MGST2: variants seen among roughly 807,000 people sequenced by gnomAD.
MGST2 encodes microsomal glutathione S-transferase 2.
Under a neutral mutation model 16.6 loss-of-function variants are expected in MGST2, and 9 were observed. The observed-to-expected ratio is 0.54, with a 90% confidence interval of 0.33 to 0.95. The LOEUF (loss-of-function observed/expected upper bound fraction) is 0.95. Ranked by LOEUF, MGST2 falls within the 40% of genes least tolerant of loss-of-function variation. MGST2 has a pLI of 0.03. For synonymous variants in MGST2, 79 were observed against 68.0 expected, an observed-to-expected ratio of 1.16 and a Z score of -0.79; for missense variants, 159 against 175.1, an observed-to-expected ratio of 0.91 and a Z score of 0.52.
chr4:139,738,063 G>A (rs1276570436), intron 5 of MGST2, among the ~76,000 whole-genome samples: 3 of 152,126 alleles, frequency 2.0e-5, no homozygotes, highest in South Asian at 4.2e-4. Context: ...TGTACATTGG[G>A]GGAACCCCAC....
chr4:139,703,412 T>A, intron 3 of MGST2, 43 bp from the exon 4 acceptor site: 1 of 1,498,924 alleles, frequency 6.7e-7, no homozygotes, highest in Non-Finnish European at 9.3e-7. Flanking sequence ...GAGACTGCTG[T>A]TGTATTTTGT....
chr4:139,704,476 C>T (rs1727440276), downstream of MGST2, among the ~76,000 whole-genome samples: 1 of 152,176 alleles, frequency 6.6e-6, no homozygotes, highest in African/African-American at 2.4e-5. Context: ...CTGCTTCTCT[C>T]TTGATGGAAA....
At chr4:139,673,047 T>C (rs1195369152) in intron 1 of MGST2, among the ~76,000 whole-genome samples, 1 of 152,176 alleles carries the variant, frequency 6.6e-6, no homozygotes, top group East Asian at 1.9e-4. Context: ...TCTAATACTC[T>C]TAACACAGGG....
chr4:139,673,211 T>C (rs1414170053), intron 1 of MGST2, among the ~76,000 whole-genome samples: 1 of 152,102 alleles, frequency 6.6e-6, no homozygotes, highest in Non-Finnish European at 1.5e-5. Flanking sequence ...AAATAAATAA[T>C]GTGAAGCGAA....
At chr4:139,749,892 C>CG in the MGST2 span, among the ~76,000 whole-genome samples, 3 of 133,796 alleles carry the variant, frequency 2.2e-5, no homozygotes, top group South Asian at 2.5e-4. Flanking sequence ...AGAACCCCCC[C>CG]CCACCCTATT....
rs117805268 is a variant in MGST2 at position 139,735,841 on chromosome 4, C to A, written c.*49-4371C>A. ...AACAAAGAAGCCCACGAGGCGGTCC[C>A]GGGCGCGGGCAGGGGCGGTGCGGCG... On this transcript the variant is annotated intron_variant, in intron 5 of 5. Transcript: ENST00000616265. This position sits in a 1 kb window ranked among gnomAD's most constrained non-coding sequence, Gnocchi z 5.8. 0.064 allele frequency among the ~76,000 whole-genome samples: 9,669 copies of A among 151,674 alleles called. 391 individuals carry two copies. The highest frequency in any genetic ancestry group is 0.098 in the East Asian group (500 of 5,082).
chr4:139,732,638 T>TA (rs201209625), intron 5 of MGST2, among the ~76,000 whole-genome samples: 5 of 148,940 alleles, frequency 3.4e-5, no homozygotes, highest in African/African-American at 1.2e-4. Flanking sequence ...AACTTAAAAT[T>TA]AAAAAAAAAA....
At chr4:139,751,716 G>A in the MGST2 span, among the ~76,000 whole-genome samples, 1 of 152,190 alleles carries the variant, frequency 6.6e-6, no homozygotes, top group African/African-American at 2.4e-5. Flanking sequence ...GGGAGCCAGT[G>A]GGTAGACCTT....
At chr4:139,683,118 GGACCAGCA>G in intron 2 of MGST2, among the ~76,000 whole-genome samples, 1 of 152,336 alleles carries the variant, frequency 6.6e-6, no homozygotes, top group East Asian at 1.9e-4. Context: ...GTTTCATCCT[GGACCAGCA>G]GTCCAGGCTT....
chr4:139,685,026 T>C (rs1485730504), intron 2 of MGST2: 1 of 152,334 alleles, frequency 6.6e-6, no homozygotes, highest in East Asian at 1.9e-4. Context: ...GGTGCCCAAT[T>C]CCTGAGCTTC....
At chr4:139,751,583 G>T in the MGST2 span, among the ~76,000 whole-genome samples, 2 of 152,266 alleles carry the variant, frequency 1.3e-5, no homozygotes, top group Non-Finnish European at 2.9e-5. Context: ...GGAGGATTTT[G>T]GATTTCAGCT....
the MGST2 span, among the ~76,000 whole-genome samples, chr4:139,746,550 G>A: frequency 6.6e-6 from 1 of 152,116 alleles, no homozygotes; most frequent in African/African-American, 2.4e-5. Context: ...TCACCTATTT[G>A]TTCTGTCTTC....
intron 2 of MGST2, 100 bp downstream of exon 2, chr4:139,678,742 T>C: frequency 2.2e-6 from 2 of 906,874 alleles, no homozygotes; most frequent in Non-Finnish European, 3.6e-6. Flanking sequence ...TAAGTTCATG[T>C]GCAATATCTA....
At chr4:139,740,267 C>T (rs1028143595) in exon 6 of MGST2, 3 of 152,194 alleles carry the variant, frequency 2.0e-5, no homozygotes, top group Admixed American at 6.5e-5. Context: ...TTCAAGAACT[C>T]GAGAGGTGGG....
At chr4:139,679,108 G>C (rs1731110966) in intron 2 of MGST2, 1 of 177,070 alleles carries the variant, frequency 5.6e-6, no homozygotes, top group Admixed American at 5.6e-5. Context: ...GAGAAAGCTT[G>C]CCAGCTCACA....
chr4:139,732,210 C>CGGTA (rs1728752827), intron 5 of MGST2, among the ~76,000 whole-genome samples: 2 of 152,048 alleles, frequency 1.3e-5, no homozygotes. Flanking sequence ...ATGCAGATAC[C>CGGTA]GTTAAACATA....
At chr4:139,682,275 C>T (rs971373281) in intron 2 of MGST2, among the ~76,000 whole-genome samples, 3 of 150,312 alleles carry the variant, frequency 2.0e-5, no homozygotes, top group African/African-American at 4.9e-5. Flanking sequence ...GAAAGGATAG[C>T]GTTGTAAGAG....
chr4:139,741,900 G>A (rs886975377), downstream of MGST2, among the ~76,000 whole-genome samples: 4 of 152,098 alleles, frequency 2.6e-5, no homozygotes, highest in African/African-American at 7.2e-5. Flanking sequence ...ACGCCCTATT[G>A]TCATTTCTTC....
downstream of MGST2, among the ~76,000 whole-genome samples, chr4:139,705,134 C>T (rs1727471419): frequency 2.0e-5 from 3 of 152,168 alleles, no homozygotes; most frequent in Admixed American, 6.5e-5. Flanking sequence ...CCTCCTGCTT[C>T]AGCCTCCCAA....
Sources: gnomAD v4.1 joint callset for allele counts (sites outside exome capture counted in the v4.1 genomes callset) on GRCh38, gnomAD v4.1.1 for gene constraint, Gnocchi (gnomAD v3.1) non-coding constraint, MANE v1.5 for transcripts, NCBI Gene and HGNC (gene_info 2026-07-23, HGNC 2026-07-21) for gene names.